The following STXBP5 variants were observed in gnomAD, a reference collection of about 807,000 sequenced individuals.
The protein encoded by STXBP5 is syntaxin binding protein 5, also known as syntaxin-binding protein 5.
A neutral mutation model predicts 152.4 loss-of-function variants in STXBP5; 50 were observed. The ratio of observed to expected loss-of-function variants is 0.33; its 90% confidence interval spans 0.26 to 0.42. STXBP5 has a LOEUF of 0.42. STXBP5 is among the 10% of genes least tolerant of loss of function. The pLI, the probability that STXBP5 is intolerant of heterozygous loss-of-function variation, is 1.00. For missense variants in STXBP5, 1,167 were observed against 1,388.6 expected, an observed-to-expected ratio of 0.84 and a Z score of 2.54; for synonymous variants, 492 against 494.7, an observed-to-expected ratio of 0.99 and a Z score of 0.07.
At chr6:147,353,419 A>C in intron 22 of STXBP5, 46 bp downstream of exon 22, 1 of 1,310,476 alleles carries the variant, frequency 7.6e-7, no homozygotes, top group South Asian at 1.5e-5. Context: ...CTATAATGGG[A>C]AGACAAGGAA....
intron 4 of STXBP5, among the ~76,000 whole-genome samples, chr6:147,256,371 T>C (rs1779366819): frequency 6.6e-6 from 1 of 152,218 alleles, no homozygotes; most frequent in African/African-American, 2.4e-5. Flanking sequence ...AAGTATGTTT[T>C]AGTTTTCCAG....
intron 8 of STXBP5, among the ~76,000 whole-genome samples, chr6:147,286,008 A>G (rs550376534): frequency 2.0e-5 from 3 of 152,338 alleles, no homozygotes; most frequent in East Asian, 3.9e-4. Context: ...CCTTCTTCAG[A>G]GCAAACATTT....
At chr6:147,380,553 A>C (rs1448363779) in intron 26 of STXBP5, among the ~76,000 whole-genome samples, 1 of 152,014 alleles carries the variant, frequency 6.6e-6, no homozygotes, top group African/African-American at 2.4e-5. Context: ...TAAAACTGTA[A>C]CACTCTTAGA....
At chr6:147,344,898 T>C in intron 21 of STXBP5, among the ~76,000 whole-genome samples, 1 of 152,204 alleles carries the variant, frequency 6.6e-6, no homozygotes. Flanking sequence ...CATTAAGTTT[T>C]ATGAATGCTT....
In STXBP5 at chr6:147,213,477, T is replaced by TGTGTGTGTGTGTGTGTGTGTGTGTGCGC; in HGVS notation, c.248+7410_248+7411insTGTGTGTGTGTGTGTGTGTGTGTGCGCG. ...GTGTGTGTGTGTGTGTGTGTGTGTG[T>TGTGTGTGTGTGTGTGTGTGTGTGTGCGC]GCGCGCGCATATATATATTTTTTCT... On this transcript the variant is annotated intron_variant, in intron 2 of 27. Coordinates refer to ENST00000321680, the MANE Select transcript of STXBP5 (RefSeq NM_001127715.4). Among the ~76,000 whole-genome samples, 75 of 131,300 alleles carry TGTGTGTGTGTGTGTGTGTGTGTGTGCGC rather than the reference T, an allele frequency of 5.7e-4. 1 individual carries two copies. Among genetic ancestry groups the TGTGTGTGTGTGTGTGTGTGTGTGTGCGC allele is most frequent in the African/African-American group, 2.3e-3 (72 of 31,340 alleles). The allele number at this position is 131,300 out of a possible 152,430, so 86.1% of individuals were successfully genotyped here.
chr6:147,320,652 A>T (rs1782890875), intron 16 of STXBP5, among the ~76,000 whole-genome samples: 2 of 151,386 alleles, frequency 1.3e-5, no homozygotes, highest in Middle Eastern at 3.4e-3. Flanking sequence ...TGGTCACATA[A>T]ATGCAAATTC....
At chr6:147,320,431 G>A (rs906228197) in intron 16 of STXBP5, among the ~76,000 whole-genome samples, 6 of 152,064 alleles carry the variant, frequency 3.9e-5, no homozygotes, top group South Asian at 2.1e-4. Context: ...CATATTTACC[G>A]GCTACATAGG....
intron 21 of STXBP5, 124 bp downstream of exon 21, chr6:147,339,508 T>A (rs1783995184): frequency 1.4e-6 from 1 of 693,548 alleles, no homozygotes; most frequent in Non-Finnish European, 2.2e-6. Context: ...AAAAAAATAA[T>A]CTCTTGGGCT....
At chr6:147,285,730 C>T (rs1392133627) in intron 8 of STXBP5, among the ~76,000 whole-genome samples, 1 of 152,062 alleles carries the variant, frequency 6.6e-6, no homozygotes, top group Non-Finnish European at 1.5e-5. Context: ...TGTACCTAGC[C>T]AGGTTTTTTG....
In STXBP5 at chr6:147,334,217, C is replaced by A. The variant is rs1783720106; in HGVS notation, c.2141C>A (p.Thr714Asn). 3 of 1,611,236 alleles carry A rather than the reference C, an allele frequency of 1.9e-6. No individual in the cohort carries two copies. Among genetic ancestry groups the A allele is most frequent in the African/African-American group, 1.3e-5 (1 of 74,828 alleles). ...CCAGAGGATCGCTGCAAATCTCCAA[C>A]CTCTGGTAATTTGGTTTTTTTTTAT... ...VVPEDRCKSP[T>N]SGSSSPHNSD... Residue 714 changes from threonine (T) to asparagine (N), a missense_variant, in exon 19 of 28, where the codon ACC (threonine) becomes AAC (asparagine). Thr to Asn is a moderately conservative substitution (Grantham distance 65). This residue lies in a region of STXBP5 where 833 missense variants were observed against 986.3 expected (regional missense o/e 0.84). Coordinates refer to ENST00000321680, the MANE Select transcript of STXBP5 (RefSeq NM_001127715.4).
At chr6:147,271,261 G>A (rs1271259341) in intron 7 of STXBP5, among the ~76,000 whole-genome samples, 6 of 151,886 alleles carry the variant, frequency 4.0e-5, no homozygotes, top group Non-Finnish European at 7.4e-5. Flanking sequence ...AAAGATAGAT[G>A]GAAAAAGTAA....
At chr6:147,214,429 G>A (rs1263870650) in intron 2 of STXBP5, among the ~76,000 whole-genome samples, 1 of 152,166 alleles carries the variant, frequency 6.6e-6, no homozygotes, top group South Asian at 2.1e-4. Flanking sequence ...GGTGAAGGAG[G>A]TAGGGGTAAG....
chr6:147,273,899 A>C (rs925760179), intron 7 of STXBP5, among the ~76,000 whole-genome samples: 4 of 151,556 alleles, frequency 2.6e-5, no homozygotes, highest in Admixed American at 6.6e-5. Flanking sequence ...TTGCAGTGAG[A>C]CGAGATGGCG....
chr6:147,348,660 G>A (rs536369229), intron 21 of STXBP5, among the ~76,000 whole-genome samples: 3 of 152,112 alleles, frequency 2.0e-5, no homozygotes, highest in Non-Finnish European at 4.4e-5. Flanking sequence ...GGAGTTGGGG[G>A]AGTAGTACTG....
intron 6 of STXBP5, among the ~76,000 whole-genome samples, chr6:147,263,105 A>G (rs1295991176): frequency 1.3e-5 from 2 of 151,944 alleles, no homozygotes; most frequent in Non-Finnish European, 2.9e-5. Flanking sequence ...CATTTCCTCA[A>G]TTGTGGGAGA....
At position 147,327,279 on chromosome 6, in the gene STXBP5, AAAAAG is replaced by A. The variant is rs566025164; in HGVS notation, c.2080+18_2080+22del. On this transcript the variant is annotated splice_donor_5th_base_variant and intron_variant, in intron 18 of 27. Transcript: ENST00000321680. ...TAAATCTCGACAGCCTTCAGGAGGT[AAAAAG>A]AAAAGAAAAGAAAATTCTGAGCTTT... is the stretch of plus-strand genomic sequence containing the variant. The A allele has an allele frequency of 1.8e-5, 28 of 1,594,142 alleles. No individual in the cohort carries two copies. Among genetic ancestry groups the A allele is most frequent in the East Asian group, 1.6e-4 (7 of 44,766 alleles).
intron 7 of STXBP5, among the ~76,000 whole-genome samples, chr6:147,268,986 G>T (rs1780024511): frequency 6.6e-6 from 1 of 152,126 alleles, no homozygotes; most frequent in African/African-American, 2.4e-5. Flanking sequence ...GTCAGAGTTG[G>T]GAAACTGGGG....
chr6:147,290,563 T>C (rs1781229547), intron 8 of STXBP5, among the ~76,000 whole-genome samples: 1 of 152,216 alleles, frequency 6.6e-6, no homozygotes. Context: ...ATAATTAGAA[T>C]TCTTTGGCAA....
intron 19 of STXBP5, among the ~76,000 whole-genome samples, chr6:147,334,471 A>T (rs1252174351): frequency 2.0e-5 from 3 of 152,150 alleles, no homozygotes; most frequent in Non-Finnish European, 4.4e-5. Flanking sequence ...TAATGTTCTT[A>T]TATTTACACC....
Sources: gnomAD v4.1 joint callset for allele counts (sites outside exome capture counted in the v4.1 genomes callset) on GRCh38, gnomAD v4.1.1 for gene constraint, gnomAD v4.1.1 regional missense constraint, MANE v1.5 for transcripts, NCBI Gene and HGNC (gene_info 2026-07-23, HGNC 2026-07-21) for gene names.